The following LGI2 variants were observed in gnomAD, a reference collection of about 807,000 sequenced individuals.
LGI2 encodes leucine rich repeat LGI family member 2.
LGI2 carries 30 observed loss-of-function variants against 52.0 expected under a neutral mutation model. The observed-to-expected ratio is 0.58, with a 90% CI of 0.43 to 0.78. The LOEUF is 0.78. Ranked by LOEUF, LGI2 falls within the 30% of genes least tolerant of loss-of-function variation. The probability of loss-of-function intolerance (pLI) is 0.00; values close to 1 mark genes in which losing one functional copy is unlikely to be tolerated. For synonymous variants in LGI2, 270 were observed against 271.8 expected (o/e 0.99, Z 0.06); for missense variants, 573 against 692.5 (o/e 0.83, Z 1.94).
At chr4:24,997,669 A>T (rs1452521525), downstream of LGI2, among the ~76,000 whole-genome samples, 3 of 152,146 alleles carry the variant, frequency 2.0e-5, no homozygotes, top group Non-Finnish European at 2.9e-5. Flanking sequence ...GTAGGCATTC[A>T]TACTGTTTGG....
At chr4:25,021,820 A>G (rs1452208762) in intron 4 of LGI2, among the ~76,000 whole-genome samples, 1 of 151,186 alleles carries the variant, frequency 6.6e-6, no homozygotes, top group Non-Finnish European at 1.5e-5. Context: ...AGTCCCAGCT[A>G]CTCAAGAGGC....
intron 7 of LGI2, among the ~76,000 whole-genome samples, chr4:25,007,993 G>A (rs1385461472): frequency 2.0e-5 from 3 of 152,172 alleles, no homozygotes; most frequent in Non-Finnish European, 4.4e-5. Flanking sequence ...TAGCACCTAG[G>A]GCAGTGTCCT....
chr4:25,024,573 G>A (rs2080213), intron 4 of LGI2, among the ~76,000 whole-genome samples: 35,201 of 152,106 alleles, frequency 0.23, 5,387 homozygotes, highest in East Asian at 0.74. Flanking sequence ...CACACCCCAG[G>A]ATGCTCCTTA....
chr4:24,994,061 C>T (rs150035914), downstream of LGI2, among the ~76,000 whole-genome samples: 261 of 152,226 alleles, frequency 1.7e-3, 1 homozygote, highest in East Asian at 0.024. Context: ...CATTATATTT[C>T]GCTATAGTTA....
In LGI2 at chr4:25,004,300, T is replaced by C. The variant is rs753432415; in HGVS notation, c.821-32A>G. On this transcript the variant is annotated intron_variant, in intron 7 of 7. Transcript: ENST00000382114. This position sits in a 1 kb window ranked among gnomAD's most constrained non-coding sequence, Gnocchi z 4.6. ...TCCAAAATAAAGGAGAGGACATTAG[T>C]GCAACTACAGCTAAAAACGCATCTC... is the stretch of plus-strand genomic sequence containing the variant. 18 of 1,571,838 alleles carry C rather than the reference T, an allele frequency of 1.1e-5. No individual in the cohort carries two copies. In the African/African-American group the frequency reaches 2.0e-4, roughly 18 times the overall value.
At chr4:25,007,423 G>C (rs1287601715) in intron 7 of LGI2, among the ~76,000 whole-genome samples, 1 of 152,100 alleles carries the variant, frequency 6.6e-6, no homozygotes, top group Non-Finnish European at 1.5e-5. Context: ...TCCCCTTCTT[G>C]AGCACCTGGC....
At chr4:25,019,645 C>A (rs776696540) in intron 4 of LGI2, among the ~76,000 whole-genome samples, 1 of 152,166 alleles carries the variant, frequency 6.6e-6, no homozygotes. Flanking sequence ...CCTTGCTATT[C>A]CTCCAACAGG....
In LGI2 at chr4:25,030,665, GCTCCGCAGCCGCCT is replaced by G. The variant is rs1355865118; in HGVS notation, c.15_28del (p.Arg5SerfsTer86). 6.6e-7 allele frequency: 1 copy of G among 1,521,156 alleles called. No individual in the cohort carries two copies. Among genetic ancestry groups the G allele is most frequent in the Non-Finnish European group, 8.8e-7 (1 of 1,137,328 alleles). The allele number at this position is 1,521,156 out of a possible 1,614,324, so 94.2% of individuals were successfully genotyped here. ...CAGCAGCAGCAGCAGCAGCCCGAGC[GCTCCGCAGCCGCCT>G]CTCCGCAGCGCCATGCCCGGTCCCC... On this transcript the variant is annotated frameshift_variant, in exon 1 of 8. Coordinates refer to ENST00000382114, the MANE Select transcript of LGI2 (RefSeq NM_018176.4). LOFTEE classifies it high-confidence loss of function.
chr4:25,028,724 G>A (rs545973738), intron 1 of LGI2, 146 bp from the exon 2 acceptor site: 11 of 670,046 alleles, frequency 1.6e-5, no homozygotes, highest in Admixed American at 4.8e-5. Context: ...GATCTTCCCC[G>A]GGGTAGGAAT....
In LGI2 at chr4:25,018,010, C is replaced by T; in HGVS notation, c.634G>A (p.Asp212Asn). The T allele has an allele frequency of 1.2e-6, 2 of 1,611,566 alleles. No individual in the cohort carries two copies. Among genetic ancestry groups the T allele is most frequent in the Middle Eastern group, 1.7e-4 (1 of 6,052 alleles). Residue 212 changes from aspartate (D) to asparagine (N), a missense_variant, in exon 6 of 8, where the codon GAC becomes AAC. Transcript: ENST00000382114. ...EKKLNDVTSF[D>N]YECTTTDFVV... ...ATACCTGTAGTTGTGCATTCATAGT[C>T]AAAGCTGGTCACGTCATTTAGCTTC...
chr4:25,023,405 A>G (rs1726038350), intron 4 of LGI2, among the ~76,000 whole-genome samples: 1 of 152,224 alleles, frequency 6.6e-6, no homozygotes, highest in Admixed American at 6.5e-5. Flanking sequence ...GACCTAGGAC[A>G]TTGTCCGGTA....
chr4:25,024,360 A>C (rs75597723), intron 4 of LGI2, among the ~76,000 whole-genome samples: 1 of 152,312 alleles, frequency 6.6e-6, no homozygotes, highest in African/African-American at 2.4e-5. Context: ...CTAAAAATAC[A>C]AAAATTAGTC....
At chr4:24,995,583 G>A (rs368894623), downstream of LGI2, among the ~76,000 whole-genome samples, 3 of 152,274 alleles carry the variant, frequency 2.0e-5, no homozygotes, top group South Asian at 6.2e-4. Context: ...AGTATGTTCA[G>A]AGCATGGTGG....
At chr4:25,019,110 G>T in intron 5 of LGI2, 57 bp downstream of exon 5, 1 of 1,062,360 alleles carries the variant, frequency 9.4e-7, no homozygotes, top group South Asian at 1.3e-5. Flanking sequence ...GGGATTGAAA[G>T]ACATGATTAA....
chr4:25,004,041 G>T lies in LGI2; in HGVS notation c.1048C>A (p.Leu350Met). Residue 350 changes from leucine (L) to methionine (M), a missense_variant, in exon 8 of 8, where the codon CTG (leucine) becomes ATG (methionine). Physicochemically the swap from Leu to Met is conservative, Grantham distance 15. Coordinates refer to ENST00000382114, the MANE Select transcript of LGI2 (RefSeq NM_018176.4). This position sits in a 1 kb window ranked among gnomAD's most constrained non-coding sequence, Gnocchi z 4.6. ...CTGTTCCATTTATAAACTGTGGACA[G>T]ACCAGCCTTTGAGCTGTCTGCGATG... Reference protein sequence around the residue: ...FVIADSSKAGLSTVYKWNSKG... With the variant: ...FVIADSSKAGMSTVYKWNSKG... 1 of 1,614,204 alleles carries T rather than the reference G, an allele frequency of 6.2e-7. No individual in the cohort carries two copies. Among genetic ancestry groups the T allele is most frequent in the South Asian group, 1.1e-5 (1 of 91,074 alleles).
the LGI2 span, among the ~76,000 whole-genome samples, chr4:24,993,042 C>T: frequency 7.2e-5 from 11 of 152,136 alleles, no homozygotes; most frequent in Admixed American, 6.5e-4. Context: ...CAGACAAGTT[C>T]CTTAACTTCT....
chr4:25,019,135 C>T (rs771703680), intron 5 of LGI2, 32 bp downstream of exon 5: 1 of 1,352,138 alleles, frequency 7.4e-7, no homozygotes, highest in South Asian at 1.2e-5. Context: ...GGCACAATGA[C>T]AAACACACAT....
chr4:25,026,182 A>G (rs1174341490), intron 3 of LGI2, among the ~76,000 whole-genome samples: 1 of 151,662 alleles, frequency 6.6e-6, no homozygotes, highest in Non-Finnish European at 1.5e-5. Context: ...ATCCCTCTGA[A>G]TGCTAAGTGA....
intron 4 of LGI2, among the ~76,000 whole-genome samples, chr4:25,022,526 C>A (rs1726005164): frequency 6.6e-6 from 1 of 152,104 alleles, no homozygotes; most frequent in South Asian, 2.1e-4. Flanking sequence ...CTCGCTGGAC[C>A]CAAGTGCAGG....
Sources: allele counts gnomAD v4.1 joint callset (sites outside exome capture counted in the v4.1 genomes callset), GRCh38; gene constraint gnomAD v4.1.1; non-coding constraint Gnocchi (gnomAD v3.1); transcripts MANE v1.5; gene names NCBI Gene and HGNC (gene_info 2026-07-23, HGNC 2026-07-21).